Variants in ZNF75A observed in about 807,000 individuals in gnomAD.
ZNF75A encodes the protein zinc finger protein 75A.
Under a neutral mutation model 46.3 loss-of-function variants are expected in ZNF75A, and 36 were observed. That is an observed-to-expected ratio of 0.78 (90% confidence interval 0.60 to 1.03). ZNF75A has a LOEUF of 1.03. Among genes scored for constraint, ZNF75A ranks in the 50% least tolerant of loss-of-function variants. The pLI, the probability that ZNF75A is intolerant of heterozygous loss-of-function variation, is 0.00. For missense variants in ZNF75A, 595 were observed against 551.3 expected, an observed-to-expected ratio of 1.08 and a Z score of -0.79; for synonymous variants, 234 against 189.9, an observed-to-expected ratio of 1.23 and a Z score of -1.91.
At chr16:3,319,889 T>C (rs192670437), downstream of ZNF75A, among the ~76,000 whole-genome samples, 49 of 151,760 alleles carry the variant, frequency 3.2e-4, no homozygotes, top group East Asian at 8.6e-3. Flanking sequence ...AGCCATGAAA[T>C]CAAAGCAGTC....
At chr16:3,311,299 G>A (rs916292239) in intron 2 of ZNF75A, among the ~76,000 whole-genome samples, 6 of 152,046 alleles carry the variant, frequency 3.9e-5, no homozygotes, top group African/African-American at 1.2e-4. Context: ...TTAGCCAGGC[G>A]TGGTGGTGCA....
chr16:3,323,067 T>G, downstream of ZNF75A: 2 of 563,604 alleles, frequency 3.5e-6, no homozygotes, highest in Non-Finnish European at 2.6e-6. Flanking sequence ...TCCTTTCCAG[T>G]TTTTGAAGAT....
chr16:3,316,860 C>T (rs149823386), intron 5 of ZNF75A, 52 bp from the exon 6 acceptor site: 21 of 1,241,358 alleles, frequency 1.7e-5, no homozygotes, highest in Non-Finnish European at 2.4e-5. Context: ...GATTAGTGGA[C>T]CAGTTCACTG....
chr16:3,314,683 C>T (rs1025932815), intron 5 of ZNF75A: 2 of 985,198 alleles, frequency 2.0e-6, no homozygotes, highest in Non-Finnish European at 2.4e-6. Context: ...CCATGCAGTT[C>T]ATACGCAGTT....
intron 5 of ZNF75A, 77 bp from the exon 6 acceptor site, chr16:3,316,835 C>T: frequency 1.0e-6 from 1 of 979,970 alleles, no homozygotes; most frequent in Non-Finnish European, 1.6e-6. Flanking sequence ...CTTTGGTCAT[C>T]CTGAAACAGT....
At chr16:3,322,612 A>G (rs574198480), downstream of ZNF75A, among the ~76,000 whole-genome samples, 1 of 152,206 alleles carries the variant, frequency 6.6e-6, no homozygotes, top group Non-Finnish European at 1.5e-5. Flanking sequence ...GCCACAGTTC[A>G]GATAATGAAT....
intron 3 of ZNF75A, 88 bp from the exon 4 acceptor site, chr16:3,312,589 A>T: frequency 2.3e-6 from 1 of 426,704 alleles, no homozygotes; most frequent in Non-Finnish European, 3.2e-6. Context: ...TCCCATCTGT[A>T]CTTAAAAAGT....
At position 3,310,648 on chromosome 16, in the gene ZNF75A, A is replaced by C. The variant is rs558579754; in HGVS notation, c.409-1105A>C. The C allele has an allele frequency of 1.3e-4, 127 of 984,692 alleles. 1 individual carries two copies. The African/African-American group carries it at 1.3e-3, about 10-fold the overall frequency. The allele number at this position is 984,692 out of a possible 1,614,324, so 61.0% of individuals were successfully genotyped here. On this transcript the variant is annotated intron_variant, in intron 2 of 6. Transcript: ENST00000669516. Reference sequence around the variant, plus strand: ...TCTCAAAACAAAACAAACAAACAAAAAAAACAACTAGGGGAAGACTGCACA... The same window carrying C: ...TCTCAAAACAAAACAAACAAACAAACAAAACAACTAGGGGAAGACTGCACA...
intron 1 of ZNF75A, 41 bp from the exon 2 acceptor site, chr16:3,308,272 A>G: frequency 3.3e-6 from 1 of 301,396 alleles, no homozygotes; most frequent in Non-Finnish European, 4.9e-6. Context: ...GGTTCATGTG[A>G]GTTTCTTATT....
chr16:3,317,977 A>G lies in ZNF75A; in HGVS notation c.*108A>G, dbSNP rs191273608. On this transcript the variant is annotated 3_prime_UTR_variant, in exon 7 of 7. Coordinates refer to ENST00000669516, the MANE Select transcript of ZNF75A (RefSeq NM_001302109.2). The stretch of plus-strand genomic sequence containing the variant: ...CAAACCTTGAAAAATTTTACATCAG[A>G]AAATGGGATAAACATACATTTCACA... 434 of 1,449,036 alleles carry G rather than the reference A, an allele frequency of 3.0e-4. No homozygotes were observed. The African/African-American group carries it at 5.7e-3, about 19-fold the overall frequency. The allele number at this position is 1,449,036 out of a possible 1,614,324, so 89.8% of individuals were successfully genotyped here.
At chr16:3,316,545 A>T in intron 5 of ZNF75A, 1 of 161,604 alleles carries the variant, frequency 6.2e-6, no homozygotes, top group Non-Finnish European at 1.3e-5. Context: ...ACCTGGTCTT[A>T]TCCAGGCTGA....
downstream of ZNF75A, among the ~76,000 whole-genome samples, chr16:3,319,650 C>T (rs1320544689): frequency 6.6e-6 from 1 of 152,154 alleles, no homozygotes; most frequent in Non-Finnish European, 1.5e-5. Flanking sequence ...AAATTGCATC[C>T]CCTCATGGAA....
chr16:3,318,238 A>C lies in ZNF75A; in HGVS notation c.*369A>C. The C allele has an allele frequency of 1.0e-6, 1 of 1,000,434 alleles. No homozygotes were observed. Among genetic ancestry groups the C allele is most frequent in the Non-Finnish European group, 1.2e-6 (1 of 840,270 alleles). The allele number at this position is 1,000,434 out of a possible 1,614,324, so 62.0% of individuals were successfully genotyped here. ...GTCTCATGAGGCCGAAATGAATTAC[A>C]ATGTAAAGTGTTCCAGGAACCAAAT... On this transcript the variant is annotated 3_prime_UTR_variant, in exon 7 of 7. Coordinates refer to ENST00000669516, the MANE Select transcript of ZNF75A (RefSeq NM_001302109.2).
chr16:3,323,281 G>C (rs2030011154), downstream of ZNF75A: 2 of 865,788 alleles, frequency 2.3e-6, no homozygotes, highest in Admixed American at 1.7e-5. Context: ...TTGGTAGCAT[G>C]ATGGACCACT....
intron 5 of ZNF75A, among the ~76,000 whole-genome samples, chr16:3,314,208 A>G (rs561993990): frequency 2.6e-5 from 4 of 152,312 alleles, no homozygotes; most frequent in South Asian, 2.1e-4. Flanking sequence ...AAGGTGTCCT[A>G]TCTTTCCAGA....
chr16:3,318,675 G>T lies in ZNF75A; in HGVS notation c.*806G>T. 2 of 985,432 alleles carry T rather than the reference G, an allele frequency of 2.0e-6. No homozygotes were observed. Among genetic ancestry groups the T allele is most frequent in the Non-Finnish European group, 2.4e-6 (2 of 829,940 alleles). 61.0% of individuals were successfully genotyped at this position (985,432 alleles called of 1,614,324 possible). A position where few individuals can be genotyped will look rare whatever the true frequency, so the allele number is the denominator to read the frequency against. ...AGTGGGAATTAAGATCAACTTCTCA[G>T]TTTTGTTTGTTTACTTTTTAATTGG... is the stretch of plus-strand genomic sequence containing the variant. On this transcript the variant is annotated 3_prime_UTR_variant, in exon 7 of 7. Transcript: ENST00000669516.
In ZNF75A at chr16:3,308,780, G is replaced by T; in HGVS notation, c.352G>T (p.Glu118Ter). 2 of 986,608 alleles carry T rather than the reference G, an allele frequency of 2.0e-6. No homozygotes were observed. The highest frequency in any genetic ancestry group is 2.4e-6 in the Non-Finnish European group (2 of 830,180). 61.1% of individuals were successfully genotyped at this position (986,608 alleles called of 1,614,324 possible). A position where few individuals can be genotyped will look rare whatever the true frequency, so the allele number is the denominator to read the frequency against. Residue 118 changes from glutamate (E) to a stop codon, truncating the protein, a stop_gained, in exon 2 of 7, where the codon GAG becomes TAG. Coordinates refer to ENST00000669516, the MANE Select transcript of ZNF75A (RefSeq NM_001302109.2). LOFTEE classifies it high-confidence loss of function. Reference sequence around the variant, plus strand: ...GAAGCACCATCCACAGAGCATTGAGGAGGCTGTGGCTCTGGTAGAACACTT... The same window carrying T: ...GAAGCACCATCCACAGAGCATTGAGTAGGCTGTGGCTCTGGTAGAACACTT... ...MQKHHPQSIE[E>*]AVALVEHLQR... is the part of the protein sequence containing the mutation.
At chr16:3,312,073 C>A (rs1198257008) in intron 3 of ZNF75A, 125 bp downstream of exon 3, 1 of 292,242 alleles carries the variant, frequency 3.4e-6, no homozygotes, top group Non-Finnish European at 5.1e-6. Flanking sequence ...TTGATAGCAA[C>A]TATGATGTCC....
At chr16:3,309,054 A>C (rs1260702351) in intron 2 of ZNF75A, 3 of 168,110 alleles carry the variant, frequency 1.8e-5, no homozygotes, top group Non-Finnish European at 2.4e-5. Context: ...AGAGAAAGAG[A>C]GTTGCTTTTG....
Sources: gnomAD v4.1 joint callset for allele counts (sites outside exome capture counted in the v4.1 genomes callset) on GRCh38, gnomAD v4.1.1 for gene constraint, MANE v1.5 for transcripts, NCBI Gene and HGNC (gene_info 2026-07-23, HGNC 2026-07-21) for gene names.